NAMPT: variants seen among roughly 807,000 people sequenced by gnomAD.
NAMPT encodes NAmPRTase.
In NAMPT, 7 loss-of-function variants were observed where a neutral mutation model predicts 58.7. The ratio of observed to expected loss-of-function variants is 0.12; its 90% confidence interval spans 0.07 to 0.22. The LOEUF is 0.22. Ranked by LOEUF, NAMPT falls within the 10% of genes least tolerant of loss-of-function variation. The pLI, the probability that NAMPT is intolerant of heterozygous loss-of-function variation, is 1.00. For missense variants in NAMPT, 271 were observed against 567.9 expected, an observed-to-expected ratio of 0.48 and a Z score of 5.31; for synonymous variants, 145 against 198.1, an observed-to-expected ratio of 0.73 and a Z score of 2.25.
intron 8 of NAMPT, among the ~76,000 whole-genome samples, chr7:106,257,765 C>G (rs1792228481): frequency 6.6e-6 from 1 of 152,212 alleles, no homozygotes; most frequent in Non-Finnish European, 1.5e-5. Context: ...GAACTCCGTT[C>G]AACTTGCCTG....
chr7:106,285,035 C>A, upstream of NAMPT: 1 of 1,381,726 alleles, frequency 7.2e-7, no homozygotes, highest in South Asian at 1.5e-5. Context: ...GGGGAGGGGT[C>A]AGAGGAGGGC....
intron 3 of NAMPT, 103 bp from the exon 4 acceptor site, chr7:106,272,761 T>C: frequency 8.0e-7 from 1 of 1,255,946 alleles, no homozygotes; most frequent in South Asian, 1.4e-5. Context: ...AAATTTACTG[T>C]CATAGAAATT....
Position 106,261,365 on chromosome 7 carries a change from T to C in NAMPT, c.1089+223A>G, listed in dbSNP as rs1027850672. The C allele has an allele frequency of 2.9e-5, 12 of 414,800 alleles. No individual in the cohort carries two copies. The East Asian group carries it at 3.5e-4, about 12-fold the overall frequency. The allele number at this position is 414,800 out of a possible 1,614,324, so 25.7% of individuals were successfully genotyped here. On this transcript the variant is annotated intron_variant, in intron 8 of 10. Transcript: ENST00000222553. Reference sequence around the variant, plus strand: ...CAATGATACTTCTTTAGATTCATCATTCAGGGTGGCCAATGACAACTGGAA... The same window carrying C: ...CAATGATACTTCTTTAGATTCATCACTCAGGGTGGCCAATGACAACTGGAA...
chr7:106,273,203 GA>G (rs1436585837), intron 3 of NAMPT, among the ~76,000 whole-genome samples: 4 of 152,176 alleles, frequency 2.6e-5, no homozygotes, highest in African/African-American at 9.7e-5. Context: ...CTGAAACTAT[GA>G]GACAGGCCAA....
At position 106,284,909 on chromosome 7, in the gene NAMPT, G is replaced by C. The variant is rs1792841619; in HGVS notation, c.-25C>G. The C allele has an allele frequency of 1.3e-6, 2 of 1,573,814 alleles. No homozygotes were observed. The highest frequency in any genetic ancestry group is 2.3e-5 in the South Asian group (2 of 86,112). ...TCTCGGGCCGGAGGACAGGGGCCGC[G>C]CGCCGCGAGCTCCCTGGCGCGGCTG... On this transcript the variant is annotated 5_prime_UTR_variant, in exon 1 of 11. Coordinates refer to ENST00000222553, the MANE Select transcript of NAMPT (RefSeq NM_005746.3).
intron 1 of NAMPT, among the ~76,000 whole-genome samples, chr7:106,281,623 A>T (rs1792766934): frequency 6.6e-6 from 1 of 152,232 alleles, no homozygotes; most frequent in African/African-American, 2.4e-5. Context: ...AAACAGCAAA[A>T]ACCATAACCG....
intron 1 of NAMPT, among the ~76,000 whole-genome samples, chr7:106,278,255 T>C (rs748804627): frequency 4.6e-5 from 7 of 152,228 alleles, no homozygotes; most frequent in South Asian, 2.1e-4. Context: ...AATCCTAAGA[T>C]GAATATATTT....
At chr7:106,261,847 A>C in intron 7 of NAMPT, 140 bp from the exon 8 acceptor site, 1 of 839,506 alleles carries the variant, frequency 1.2e-6, no homozygotes. Flanking sequence ...CACTATGTAT[A>C]TGCTCTCTAA....
In NAMPT at chr7:106,254,365, C is replaced by G; in HGVS notation, c.1229G>C (p.Gly410Ala). 1.2e-6 allele frequency: 2 copies of G among 1,613,660 alleles called. No individual in the cohort carries two copies. The highest frequency in any genetic ancestry group is 1.1e-5 in the South Asian group (1 of 91,068). ...KCSYVVTNGL[G>A]INVFKDPVAD... ...AGAAGTAATTAAAAGGTGACATACCCCAAGGCCATTAGTTACAACATAGCT... is the reference window on the plus strand; with the variant it reads ...AGAAGTAATTAAAAGGTGACATACCGCAAGGCCATTAGTTACAACATAGCT... The change falls in exon 9 of 11, where the codon GGG becomes GCG. Residue 410 changes from glycine to alanine, a missense_variant and splice_region_variant. Transcript: ENST00000222553.
At chr7:106,283,303 C>T (rs1376758072) in intron 1 of NAMPT, among the ~76,000 whole-genome samples, 1 of 151,822 alleles carries the variant, frequency 6.6e-6, no homozygotes, top group East Asian at 1.9e-4. Context: ...TAACTAAAAG[C>T]ACCCCAGAAA....
upstream of NAMPT, chr7:106,285,138 C>A (rs1562821452): frequency 7.8e-7 from 1 of 1,287,732 alleles, no homozygotes; most frequent in African/African-American, 1.6e-5. Flanking sequence ...ACCTCGGTTC[C>A]CCCGCCTTCA....
chr7:106,270,408 A>G (rs1222019632), intron 4 of NAMPT: 1 of 234,892 alleles, frequency 4.3e-6, no homozygotes, highest in Non-Finnish European at 9.9e-6. Flanking sequence ...ATATAAATAA[A>G]ACAAATAAAA....
chr7:106,267,517 A>G (rs1792435852), intron 6 of NAMPT, among the ~76,000 whole-genome samples: 1 of 152,168 alleles, frequency 6.6e-6, no homozygotes, highest in African/African-American at 2.4e-5. Context: ...TTGTTATAAA[A>G]GTCAGTGATA....
Position 106,272,521 on chromosome 7 carries a change from AC to A in NAMPT, c.447+8del, listed in dbSNP as rs1562817476. 1 of 1,601,510 alleles carries A rather than the reference AC, an allele frequency of 6.2e-7. No homozygotes were observed. On this transcript the variant is annotated splice_region_variant and intron_variant, in intron 4 of 10. Transcript: ENST00000222553. ...TTAATGTTAAATAAGAATTAAAAAA[AC>A]AATTTACCTCAATCCAATTTGTAAG...
chr7:106,253,013 A>G lies in NAMPT; in HGVS notation c.1365+4T>C. On this transcript the variant is annotated splice_donor_region_variant and intron_variant, in intron 10 of 10. Transcript: ENST00000222553. ...TAAAAAAACCAATCAGCATAGATACATACCTGACCATATTCCTCAAGGTCT... is the reference window on the plus strand; with the variant it reads ...TAAAAAAACCAATCAGCATAGATACGTACCTGACCATATTCCTCAAGGTCT... 6.2e-7 allele frequency: 1 copy of G among 1,612,970 alleles called. No individual in the cohort carries two copies. Among genetic ancestry groups the G allele is most frequent in the Non-Finnish European group, 8.5e-7 (1 of 1,179,190 alleles).
At chr7:106,252,908 T>C in intron 10 of NAMPT, 109 bp downstream of exon 10, 3 of 1,346,032 alleles carry the variant, frequency 2.2e-6, no homozygotes, top group Non-Finnish European at 3.0e-6. Flanking sequence ...TATAATAAAA[T>C]ATAATACTTT....
chr7:106,284,747 CCAGCCGCCCCCG>C, intron 1 of NAMPT, 69 bp downstream of exon 1: 1 of 1,187,944 alleles, frequency 8.4e-7, no homozygotes, highest in Non-Finnish European at 1.1e-6. Flanking sequence ...AACCCCAGCC[CCAGCCGCCCCCG>C]CCCCCCTGCC....
At chr7:106,269,070 C>G in intron 5 of NAMPT, 84 bp downstream of exon 5, 1 of 1,301,124 alleles carries the variant, frequency 7.7e-7, no homozygotes, top group Non-Finnish European at 1.1e-6. Flanking sequence ...CAAGATCAAT[C>G]TCAATAACGT....
intron 4 of NAMPT, chr7:106,270,184 C>T: frequency 3.6e-6 from 1 of 276,812 alleles, no homozygotes; most frequent in East Asian, 1.2e-4. Context: ...TGTCTAATCA[C>T]AGCAACCGTA....
Sources: allele counts gnomAD v4.1 joint callset (sites outside exome capture counted in the v4.1 genomes callset), GRCh38; gene constraint gnomAD v4.1.1; transcripts MANE v1.5; gene names NCBI Gene and HGNC (gene_info 2026-07-23, HGNC 2026-07-21).